Variants in RBFOX2 observed in about 807,000 individuals in gnomAD.
RBFOX2 encodes the protein RNA binding fox-1 homolog 2, also known as RNA binding protein fox-1 homolog 2.
A neutral mutation model predicts 49.1 loss-of-function variants in RBFOX2; 10 were observed. That is an observed-to-expected ratio of 0.20 (90% CI 0.13 to 0.35). The LOEUF (loss-of-function observed/expected upper bound fraction) is 0.35, where lower values mean the gene tolerates loss of function less well. Among genes scored for constraint, RBFOX2 ranks in the 10% least tolerant of loss-of-function variants. The pLI, the probability that RBFOX2 is intolerant of heterozygous loss-of-function variation, is 1.00. For synonymous variants in RBFOX2, 183 were observed against 187.4 expected (o/e 0.98, Z 0.19); for missense variants, 323 against 486.9 (o/e 0.66, Z 3.17).
At chr22:36,000,832 T>A (rs893210449) in intron 1 of RBFOX2, among the ~76,000 whole-genome samples, 6 of 152,242 alleles carry the variant, frequency 3.9e-5, no homozygotes, top group Admixed American at 2.0e-4. Flanking sequence ...TTAACCTGTC[T>A]CCAACTCCCT....
chr22:35,924,380 T>C (rs1263867485), intron 1 of RBFOX2, among the ~76,000 whole-genome samples: 1 of 152,220 alleles, frequency 6.6e-6, no homozygotes, highest in South Asian at 2.1e-4. Context: ...GATCCTAATG[T>C]AGTAATAGGA....
upstream of RBFOX2, among the ~76,000 whole-genome samples, chr22:35,941,288 AATGATG>A (rs1380355022): frequency 6.6e-6 from 1 of 152,156 alleles, no homozygotes; most frequent in East Asian, 1.9e-4. Flanking sequence ...AAATTTTAAC[AATGATG>A]ATGATAACCC....
intron 1 of RBFOX2, among the ~76,000 whole-genome samples, chr22:35,813,265 A>T (rs1251470421): frequency 2.6e-5 from 4 of 152,188 alleles, no homozygotes; most frequent in African/African-American, 9.7e-5. Context: ...ATGGTTTCAG[A>T]TTTGTATTAA....
chr22:36,018,527 G>C (rs565959517), intron 1 of RBFOX2, among the ~76,000 whole-genome samples: 1 of 152,194 alleles, frequency 6.6e-6, no homozygotes, highest in Non-Finnish European at 1.5e-5. Flanking sequence ...TGAAAGTTAC[G>C]CAGAAGTCAG....
intron 4 of RBFOX2, among the ~76,000 whole-genome samples, chr22:35,775,350 T>C (rs1406724378): frequency 6.6e-6 from 1 of 152,216 alleles, no homozygotes; most frequent in Non-Finnish European, 1.5e-5. Flanking sequence ...CTGAATTCTA[T>C]GCTTTGTTTT....
At chr22:35,813,804 T>G (rs757637516) in intron 1 of RBFOX2, among the ~76,000 whole-genome samples, 15 of 152,244 alleles carry the variant, frequency 9.9e-5, no homozygotes, top group Non-Finnish European at 1.8e-4. Context: ...GTGTGCACAT[T>G]ACAGCAAACT....
At chr22:35,798,105 AG>A (rs1478778616) in intron 2 of RBFOX2, among the ~76,000 whole-genome samples, 1 of 152,098 alleles carries the variant, frequency 6.6e-6, no homozygotes, top group Non-Finnish European at 1.5e-5. Flanking sequence ...CCTCCCAAGT[AG>A]CTGGGATTAC....
At chr22:35,867,702 T>G (rs775420710) in intron 1 of RBFOX2, among the ~76,000 whole-genome samples, 4 of 152,192 alleles carry the variant, frequency 2.6e-5, no homozygotes, top group Non-Finnish European at 4.4e-5. Flanking sequence ...AAAACTATTT[T>G]ATGAAGAAAA....
intron 1 of RBFOX2, among the ~76,000 whole-genome samples, chr22:35,878,633 G>A (rs1342714574): frequency 6.6e-6 from 1 of 152,188 alleles, no homozygotes; most frequent in Non-Finnish European, 1.5e-5. Flanking sequence ...TAGAGATAGG[G>A]TACCACTATG....
chr22:35,850,890 T>C (rs1322236234), intron 1 of RBFOX2, among the ~76,000 whole-genome samples: 1 of 152,156 alleles, frequency 6.6e-6, no homozygotes, highest in Non-Finnish European at 1.5e-5. Flanking sequence ...TCCTACGAAA[T>C]CTTCTATTTG....
chr22:35,944,038 T>G (rs889490622), intron 1 of RBFOX2, among the ~76,000 whole-genome samples: 3 of 152,264 alleles, frequency 2.0e-5, no homozygotes, highest in Non-Finnish European at 4.4e-5. Flanking sequence ...TACCTACATC[T>G]GTAAAATCTC....
At chr22:36,028,710 C>T (rs1204732049) in exon 1 of RBFOX2, among the ~76,000 whole-genome samples, 1 of 151,222 alleles carries the variant, frequency 6.6e-6, no homozygotes, top group East Asian at 2.0e-4. Context: ...CACGCGAAAC[C>T]CGGCCCGGCC....
intron 1 of RBFOX2, among the ~76,000 whole-genome samples, chr22:35,819,744 T>C (rs1372472521): frequency 6.6e-6 from 1 of 152,196 alleles, no homozygotes; most frequent in Non-Finnish European, 1.5e-5. Flanking sequence ...GTTTACATTC[T>C]AGTAGGAAGA....
chr22:35,762,706 T>C (rs1365702563), intron 6 of RBFOX2, among the ~76,000 whole-genome samples: 4 of 152,058 alleles, frequency 2.6e-5, no homozygotes, highest in Non-Finnish European at 5.9e-5. Context: ...GGTTTCACCA[T>C]GTTGGCCAGG....
At position 36,018,320 on chromosome 22, in the gene RBFOX2, G is replaced by A. The variant is rs114559183; in HGVS notation, c.186+9920C>T. Among the ~76,000 whole-genome samples, 955 of 152,220 alleles carry A rather than the reference G, an allele frequency of 6.3e-3. 7 individuals carry two copies. The highest frequency in any genetic ancestry group is 0.022 in the African/African-American group (912 of 41,532). On this transcript the variant is annotated intron_variant, in intron 1 of 13. Coordinates refer to the RBFOX2 transcript ENST00000438146. ...GAATAGTCACAAAAGGCATCCAGGA[G>A]GAATCAATATCCAAACTCATTATTA...
At chr22:35,932,575 A>G (rs2052555140) in intron 1 of RBFOX2, among the ~76,000 whole-genome samples, 1 of 152,234 alleles carries the variant, frequency 6.6e-6, no homozygotes, top group Admixed American at 6.5e-5. Context: ...AGTCATTGAC[A>G]AGCATTTTAA....
chr22:35,870,631 T>C (rs1782474042), intron 1 of RBFOX2, among the ~76,000 whole-genome samples: 1 of 152,200 alleles, frequency 6.6e-6, no homozygotes, highest in Non-Finnish European at 1.5e-5. Flanking sequence ...ATAGAACATA[T>C]GCTTTCTGGA....
At chr22:35,861,197 A>G (rs2043053731) in intron 1 of RBFOX2, among the ~76,000 whole-genome samples, 1 of 152,244 alleles carries the variant, frequency 6.6e-6, no homozygotes, top group Non-Finnish European at 1.5e-5. Flanking sequence ...TAAAAATGTA[A>G]AAGATAAAAC....
At chr22:35,806,293 A>C (rs944985223) in intron 2 of RBFOX2, among the ~76,000 whole-genome samples, 15 of 152,092 alleles carry the variant, frequency 9.9e-5, no homozygotes, top group African/African-American at 2.9e-4. Flanking sequence ...TGCTCTAAAA[A>C]AGGAGATCTT....
Sources: gnomAD v4.1 joint callset for allele counts (sites outside exome capture counted in the v4.1 genomes callset) on GRCh38, gnomAD v4.1.1 for gene constraint, MANE v1.5 for transcripts, NCBI Gene and HGNC (gene_info 2026-07-23, HGNC 2026-07-21) for gene names.